RAD54L2: variants seen among roughly 807,000 people sequenced by gnomAD.
RAD54L2 encodes helicase ARIP4.
RAD54L2 carries 27 observed loss-of-function variants against 138.4 expected under a neutral mutation model. The observed-to-expected ratio is 0.20, with a 90% CI of 0.14 to 0.27. RAD54L2 has a LOEUF of 0.27. Ranked by LOEUF, RAD54L2 falls within the 10% of genes least tolerant of loss-of-function variation. RAD54L2 has a pLI of 1.00. For synonymous variants in RAD54L2, 644 were observed against 723.2 expected, an observed-to-expected ratio of 0.89 and a Z score of 1.76; for missense variants, 1,396 against 1,890.2, an observed-to-expected ratio of 0.74 and a Z score of 4.85.
intron 2 of RAD54L2, among the ~76,000 whole-genome samples, chr3:51,552,232 T>G (rs1698856029): frequency 6.6e-6 from 1 of 152,156 alleles, no homozygotes; most frequent in Non-Finnish European, 1.5e-5. Flanking sequence ...TTTGTTTATT[T>G]ACCTAGCTAT....
chr3:51,623,582 A>G (rs1394275554), intron 3 of RAD54L2, among the ~76,000 whole-genome samples: 1 of 152,208 alleles, frequency 6.6e-6, no homozygotes. Flanking sequence ...TGCAAAGCTC[A>G]TACTTTTAAC....
At chr3:51,559,454 C>T (rs910165000) in intron 2 of RAD54L2, among the ~76,000 whole-genome samples, 6 of 152,218 alleles carry the variant, frequency 3.9e-5, no homozygotes, top group African/African-American at 1.4e-4. Flanking sequence ...GGTGCCTCCC[C>T]TGAGTGCTTC....
intron 3 of RAD54L2, among the ~76,000 whole-genome samples, chr3:51,592,054 GTTTTTTTTTTTT>G (rs71084151): frequency 1.5e-5 from 1 of 66,824 alleles, no homozygotes; most frequent in Admixed American, 2.6e-4. Flanking sequence ...TGGTTTTGGT[GTTTTTTTTTTTT>G]TTTTTTTTTT....
At position 51,546,622 on chromosome 3, in the gene RAD54L2, A is replaced by G. The variant is rs1216419895; in HGVS notation, c.-55+4972A>G. 3.9e-5 allele frequency among the ~76,000 whole-genome samples: 6 copies of G among 152,196 alleles called. No homozygotes were observed. The East Asian group carries it at 5.8e-4, about 15-fold the overall frequency. On this transcript the variant is annotated intron_variant, in intron 2 of 22. Transcript: ENST00000684192. ...GCCATTGCACTCCAGCCCAGGCAAC[A>G]AGAGTGAAACTGCGTCTCAAAAACA...
intron 3 of RAD54L2, among the ~76,000 whole-genome samples, chr3:51,599,488 T>G (rs928865673): frequency 6.6e-6 from 1 of 152,094 alleles, no homozygotes; most frequent in Non-Finnish European, 1.5e-5. Flanking sequence ...ATATAAATAG[T>G]ATACAATCAA....
rs577499231 is a variant in RAD54L2 at position 51,637,032 on chromosome 3, G to C, written c.1340-129G>C. ...AATGGCTGGCACCCTCTCACCAAGG[G>C]GGGCTGACTCTTGCTTTCCTGCTTC... is the stretch of plus-strand genomic sequence containing the variant. On this transcript the variant is annotated intron_variant, in intron 10 of 22. Coordinates refer to ENST00000684192, the MANE Select transcript of RAD54L2 (RefSeq NM_015106.4). The surrounding 1 kb of genome is among the most constrained non-coding windows in gnomAD (Gnocchi z 5.9). The C allele has an allele frequency of 7.5e-6, 6 of 795,086 alleles. No individual in the cohort carries two copies. In the Admixed American group the frequency reaches 1.3e-4, roughly 18 times the overall value. 49.3% of individuals were successfully genotyped at this position (795,086 alleles called of 1,614,324 possible). A position where few individuals can be genotyped will look rare whatever the true frequency, so the allele number is the denominator to read the frequency against.
chr3:51,645,013 G>A lies in RAD54L2; in HGVS notation c.2451-11G>A. The stretch of plus-strand genomic sequence containing the variant: ...CTAAAGGCTCTGTGATTGTTGGCTT[G>A]TCTTTTAAAGGGCCGGATGCTTGGG... On this transcript the variant is annotated splice_polypyrimidine_tract_variant and intron_variant, in intron 16 of 22. Coordinates refer to ENST00000684192, the MANE Select transcript of RAD54L2 (RefSeq NM_015106.4). This position sits in a 1 kb window ranked among gnomAD's most constrained non-coding sequence, Gnocchi z 6.1. 1 of 1,612,874 alleles carries A rather than the reference G, an allele frequency of 6.2e-7. No individual in the cohort carries two copies. Among genetic ancestry groups the A allele is most frequent in the Non-Finnish European group, 8.5e-7 (1 of 1,179,864 alleles).
intron 3 of RAD54L2, among the ~76,000 whole-genome samples, chr3:51,604,041 GAT>G (rs1366067548): frequency 1.3e-5 from 2 of 152,202 alleles, no homozygotes; most frequent in Non-Finnish European, 2.9e-5. Context: ...AAGAGGCGAT[GAT>G]AGCTTGGTGG....
At chr3:51,570,931 C>A (rs761524358) in intron 2 of RAD54L2, among the ~76,000 whole-genome samples, 1 of 152,076 alleles carries the variant, frequency 6.6e-6, no homozygotes, top group African/African-American at 2.4e-5. Flanking sequence ...AAGCGATTTT[C>A]TTGCCTCAGC....
At chr3:51,617,123 C>T (rs1243947965) in intron 3 of RAD54L2, among the ~76,000 whole-genome samples, 1 of 152,122 alleles carries the variant, frequency 6.6e-6, no homozygotes, top group Non-Finnish European at 1.5e-5. Flanking sequence ...TTTATCCATT[C>T]ATCTGTTGAT....
chr3:51,651,444 GCAT>G (rs1265973951), intron 19 of RAD54L2, among the ~76,000 whole-genome samples: 2 of 152,162 alleles, frequency 1.3e-5, no homozygotes, highest in African/African-American at 4.8e-5. Flanking sequence ...TATGAGGCCA[GCAT>G]CATCCTGATA....
At chr3:51,597,694 G>A (rs1699993535) in intron 3 of RAD54L2, among the ~76,000 whole-genome samples, 1 of 152,034 alleles carries the variant, frequency 6.6e-6, no homozygotes, top group Non-Finnish European at 1.5e-5. Flanking sequence ...TGGGTATGGT[G>A]GCCCATGTCT....
In RAD54L2 at chr3:51,637,234, C is replaced by T. The variant is rs1254206805; in HGVS notation, c.1413C>T (p.Cys471=). ...ICDEGHRIKN[C]QASTSQALKN... ...ATGAGGGACACCGCATCAAAAACTG[C>T]CAGGCCAGCACCTCACAGGCTCTGA... Residue 471 remains cysteine, a synonymous_variant, in exon 11 of 23, where the codon TGC becomes TGT. Coordinates refer to ENST00000684192, the MANE Select transcript of RAD54L2 (RefSeq NM_015106.4). This position sits in a 1 kb window ranked among gnomAD's most constrained non-coding sequence, Gnocchi z 5.9. 1.0e-5 allele frequency: 16 copies of T among 1,596,926 alleles called. No homozygotes were observed. The highest frequency in any genetic ancestry group is 1.4e-5 in the Non-Finnish European group (16 of 1,171,842).
At chr3:51,635,857 G>A (rs1700972563) in intron 10 of RAD54L2, 68 bp downstream of exon 10, 1 of 1,424,034 alleles carries the variant, frequency 7.0e-7, no homozygotes, top group East Asian at 2.5e-5. Context: ...TCTACTAATA[G>A]CACCTAGTCA....
In RAD54L2 at chr3:51,663,495, C is replaced by T; in HGVS notation, c.*75C>T. On this transcript the variant is annotated 3_prime_UTR_variant, in exon 23 of 23. Transcript: ENST00000684192. ...CAAGCTGAAAGGCAGTGATTTAGACCTTTTGAGAATAGGACACTTGGCAGG... is the reference window on the plus strand; with the variant it reads ...CAAGCTGAAAGGCAGTGATTTAGACTTTTTGAGAATAGGACACTTGGCAGG... The T allele has an allele frequency of 6.8e-7, 1 of 1,479,924 alleles. No individual in the cohort carries two copies. Among genetic ancestry groups the T allele is most frequent in the Non-Finnish European group, 9.1e-7 (1 of 1,094,722 alleles). The allele number at this position is 1,479,924 out of a possible 1,614,324, so 91.7% of individuals were successfully genotyped here.
At chr3:51,626,368 GC>G (rs1411184517) in intron 3 of RAD54L2, among the ~76,000 whole-genome samples, 1 of 137,834 alleles carries the variant, frequency 7.3e-6, no homozygotes, top group Non-Finnish European at 1.5e-5. Context: ...ACATGGATCC[GC>G]CTACTCCAAC....
intron 2 of RAD54L2, among the ~76,000 whole-genome samples, chr3:51,572,641 CTTT>C (rs113783205): frequency 7.3e-6 from 1 of 136,538 alleles, no homozygotes; most frequent in Admixed American, 7.4e-5. Context: ...TGCTATAAAT[CTTT>C]TTTTTTTTTT....
intron 3 of RAD54L2, among the ~76,000 whole-genome samples, chr3:51,609,408 C>T (rs1187157289): frequency 6.6e-6 from 1 of 152,358 alleles, no homozygotes; most frequent in South Asian, 2.1e-4. Context: ...CCCTCCACAG[C>T]ATATGCTCTT....
intron 2 of RAD54L2, among the ~76,000 whole-genome samples, chr3:51,570,691 G>C (rs1389104528): frequency 6.7e-6 from 1 of 149,576 alleles, no homozygotes; most frequent in East Asian, 2.0e-4. Context: ...TCTTGACCTT[G>C]TGATCCGCCT....
Sources: gnomAD v4.1 joint callset for allele counts (sites outside exome capture counted in the v4.1 genomes callset) on GRCh38, gnomAD v4.1.1 for gene constraint, Gnocchi (gnomAD v3.1) non-coding constraint, MANE v1.5 for transcripts, NCBI Gene and HGNC (gene_info 2026-07-23, HGNC 2026-07-21) for gene names.